CDS1: variants seen among roughly 807,000 people sequenced by gnomAD.
CDS1 encodes phosphatidate cytidylyltransferase 1.
In CDS1, 41 loss-of-function variants were observed where a neutral mutation model predicts 62.1. The observed-to-expected ratio is 0.66, with a 90% CI of 0.51 to 0.86. The LOEUF is 0.86. Ranked by LOEUF, CDS1 falls within the 40% of genes least tolerant of loss-of-function variation. CDS1 has a pLI of 0.00. For synonymous variants in CDS1, 185 were observed against 192.6 expected (o/e 0.96, Z 0.32); for missense variants, 470 against 550.1 (o/e 0.85, Z 1.46).
At chr4:84,625,858 T>C (rs1452293530) in intron 5 of CDS1, among the ~76,000 whole-genome samples, 1 of 151,788 alleles carries the variant, frequency 6.6e-6, no homozygotes. Flanking sequence ...TTGTAGTTAA[T>C]ACTAAATGAG....
chr4:84,604,056 A>G (rs1412375786), intron 1 of CDS1, among the ~76,000 whole-genome samples, 187 bp from the exon 2 acceptor site: 1 of 152,208 alleles, frequency 6.6e-6, no homozygotes, highest in Non-Finnish European at 1.5e-5. Flanking sequence ...AGTAGATTTT[A>G]GCGAAGATAG....
intron 1 of CDS1, among the ~76,000 whole-genome samples, chr4:84,599,405 CATAT>C (rs59313355): frequency 0.019 from 460 of 24,228 alleles, no homozygotes; most frequent in African/African-American, 0.042. Context: ...CACACACACA[CATAT>C]ATATATATAT....
chr4:84,613,699 G>A (rs901454030), intron 3 of CDS1, among the ~76,000 whole-genome samples: 1 of 152,146 alleles, frequency 6.6e-6, no homozygotes, highest in Non-Finnish European at 1.5e-5. Flanking sequence ...CCTTCTATTT[G>A]TAGTTTTTAA....
Position 84,633,845 on chromosome 4 carries a change from G to C in CDS1, c.640-12G>C, listed in dbSNP as rs753479206. The C allele has an allele frequency of 5.1e-6, 8 of 1,572,082 alleles. No homozygotes were observed. In the South Asian group the frequency reaches 8.1e-5, roughly 16 times the overall value. On this transcript the variant is annotated splice_polypyrimidine_tract_variant and intron_variant, in intron 6 of 12. Coordinates refer to ENST00000295887, the MANE Select transcript of CDS1 (RefSeq NM_001263.4). ...GTGTTCACTAATTTTTGTATTGTTGGGCTATTAACAGTTCGCATGGACTCA... is the reference window on the plus strand; with the variant it reads ...GTGTTCACTAATTTTTGTATTGTTGCGCTATTAACAGTTCGCATGGACTCA...
chr4:84,599,154 C>T (rs1225969423), intron 1 of CDS1, among the ~76,000 whole-genome samples: 3 of 151,966 alleles, frequency 2.0e-5, no homozygotes, highest in Admixed American at 2.0e-4. Flanking sequence ...GCTGGGAGCC[C>T]TTTGCAGACA....
At chr4:84,623,834 G>C (rs1284569875) in intron 5 of CDS1, among the ~76,000 whole-genome samples, 1 of 152,060 alleles carries the variant, frequency 6.6e-6, no homozygotes, top group Non-Finnish European at 1.5e-5. Flanking sequence ...GGACATCAAA[G>C]ATGGCTCCTT....
intron 5 of CDS1, among the ~76,000 whole-genome samples, chr4:84,624,689 T>C (rs1291500690): frequency 6.6e-6 from 1 of 152,186 alleles, no homozygotes; most frequent in Non-Finnish European, 1.5e-5. Flanking sequence ...TTGCTATAAT[T>C]TATGCTTGAG....
intron 7 of CDS1, 129 bp downstream of exon 7, chr4:84,634,068 T>C (rs1724105282): frequency 6.6e-6 from 3 of 452,212 alleles, no homozygotes; most frequent in African/African-American, 2.0e-5. Context: ...CATTAAACTA[T>C]CTTACTGAGT....
intron 10 of CDS1, among the ~76,000 whole-genome samples, chr4:84,641,580 C>T (rs1578054531): frequency 6.6e-6 from 1 of 152,188 alleles, no homozygotes; most frequent in African/African-American, 2.4e-5. Flanking sequence ...TTAAAATTCA[C>T]CAGTTTACCG....
intron 2 of CDS1, among the ~76,000 whole-genome samples, chr4:84,605,354 T>C (rs1264255486): frequency 6.6e-6 from 1 of 152,180 alleles, no homozygotes; most frequent in Non-Finnish European, 1.5e-5. Context: ...ATGTAACTTA[T>C]TCAATGGATT....
chr4:84,614,624 C>G (rs1723430738), intron 3 of CDS1, among the ~76,000 whole-genome samples: 1 of 152,134 alleles, frequency 6.6e-6, no homozygotes, highest in South Asian at 2.1e-4. Context: ...CAGATCTGAA[C>G]TTCTAGTCCA....
At chr4:84,641,013 A>C (rs1474279769) in intron 10 of CDS1, 23 bp downstream of exon 10, 3 of 1,475,748 alleles carry the variant, frequency 2.0e-6, no homozygotes. Context: ...TTCAAGATAA[A>C]CATGGTTAGA....
intron 1 of CDS1, among the ~76,000 whole-genome samples, chr4:84,594,573 A>G (rs933290467): frequency 4.6e-5 from 7 of 152,260 alleles, no homozygotes; most frequent in South Asian, 4.1e-4. Flanking sequence ...CTAGTTCTCT[A>G]TAGTCATATT....
At chr4:84,615,084 C>G (rs1250041113) in intron 3 of CDS1, among the ~76,000 whole-genome samples, 1 of 152,148 alleles carries the variant, frequency 6.6e-6, no homozygotes, top group African/African-American at 2.4e-5. Context: ...CTTGGCCCCT[C>G]AACTCTGATC....
chr4:84,633,810 C>G, intron 6 of CDS1, 47 bp from the exon 7 acceptor site: 1 of 1,275,258 alleles, frequency 7.8e-7, no homozygotes, highest in Admixed American at 2.1e-5. Context: ...TTCAGCTGCA[C>G]TGATCAGTTG....
At chr4:84,637,181 A>G (rs780380292) in intron 8 of CDS1, among the ~76,000 whole-genome samples, 14 of 152,210 alleles carry the variant, frequency 9.2e-5, no homozygotes, top group Non-Finnish European at 1.9e-4. Context: ...AGCAAGCTGT[A>G]TATTTTTAAA....
intron 1 of CDS1, among the ~76,000 whole-genome samples, chr4:84,588,499 C>T (rs1012388728): frequency 2.6e-5 from 4 of 152,182 alleles, no homozygotes; most frequent in East Asian, 1.9e-4. Context: ...GCTAAACAGG[C>T]GGCCAGGGTT....
chr4:84,599,405 C>CATAT (rs59313355), intron 1 of CDS1, among the ~76,000 whole-genome samples: 179 of 24,432 alleles, frequency 7.3e-3, no homozygotes, highest in African/African-American at 0.013. Context: ...CACACACACA[C>CATAT]ATATATATAT....
intron 11 of CDS1, among the ~76,000 whole-genome samples, chr4:84,644,250 C>T (rs1340594621): frequency 6.6e-6 from 1 of 152,132 alleles, no homozygotes; most frequent in Non-Finnish European, 1.5e-5. Flanking sequence ...CCTACTAGGG[C>T]AGACAATACA....
Sources: gnomAD v4.1 joint callset for allele counts (sites outside exome capture counted in the v4.1 genomes callset) on GRCh38, gnomAD v4.1.1 for gene constraint, MANE v1.5 for transcripts, NCBI Gene and HGNC (gene_info 2026-07-23, HGNC 2026-07-21) for gene names.